CCDC144A: variants seen among roughly 807,000 people sequenced by gnomAD.
CCDC144A encodes coiled-coil domain-containing protein 144A.
Under a neutral mutation model 143.8 loss-of-function variants are expected in CCDC144A, and 41 were observed. The observed-to-expected ratio is 0.29, with a 90% CI of 0.22 to 0.37. The LOEUF (loss-of-function observed/expected upper bound fraction) is 0.37. Ranked by LOEUF, CCDC144A falls within the 10% of genes least tolerant of loss-of-function variation. CCDC144A has a pLI of 1.00. For synonymous variants in CCDC144A, 242 were observed against 517.9 expected (o/e 0.47, Z 7.23); for missense variants, 637 against 1,488.8 (o/e 0.43, Z 9.41).
chr17:16,673,547 C>T, the CCDC144A span, among the ~76,000 whole-genome samples: 5 of 151,952 alleles, frequency 3.3e-5, no homozygotes, highest in South Asian at 2.1e-4. Context: ...CCACCACGCC[C>T]GGCTAATTTT....
chr17:16,709,067 T>C lies in CCDC144A; in HGVS notation c.1010T>C (p.Leu337Ser), dbSNP rs984230323. The change falls in exon 5 of 17, where the codon TTG becomes TCG. Residue 337 changes from leucine (L) to serine (S), a missense_variant. By Grantham distance (145) the Leu-to-Ser change is moderately radical (BLOSUM62 -2). Coordinates refer to ENST00000399273, the MANE Select transcript of CCDC144A (RefSeq NM_001382000.1). ...GATGTAAAGGATATTCCCTTTAATT[T>C]GACAAATAACATACCTGGTTGTGAG... Reference protein sequence around the residue: ...GTDVKDIPFNLTNNIPGCEEE... With the variant: ...GTDVKDIPFNSTNNIPGCEEE... 4 of 1,611,556 alleles carry C rather than the reference T, an allele frequency of 2.5e-6. No homozygotes were observed. Among genetic ancestry groups the C allele is most frequent in the Non-Finnish European group, 3.4e-6 (4 of 1,179,650 alleles).
intron 2 of CCDC144A, among the ~76,000 whole-genome samples, chr17:16,696,474 C>T (rs1911414211): frequency 6.6e-6 from 1 of 150,386 alleles, no homozygotes; most frequent in Non-Finnish European, 1.5e-5. Flanking sequence ...ACTAAAAATA[C>T]ACATGAAAAA....
intron 16 of CCDC144A, among the ~76,000 whole-genome samples, chr17:16,772,242 A>G (rs1464792314): frequency 6.6e-6 from 1 of 152,150 alleles, no homozygotes. Context: ...ATAGCTCAAG[A>G]AGTCTGGCTC....
chr17:16,704,120 T>G (rs943529499), intron 2 of CCDC144A, among the ~76,000 whole-genome samples: 39 of 152,160 alleles, frequency 2.6e-4, no homozygotes, highest in Non-Finnish European at 5.6e-4. Flanking sequence ...AAAGTTTCAC[T>G]TATGTGTTTT....
rs533710489 is a variant in CCDC144A at position 16,695,713 on chromosome 17, G to A, written c.415+2664G>A. On this transcript the variant is annotated intron_variant, in intron 2 of 16. Transcript: ENST00000399273. Reference sequence around the variant, plus strand: ...CTACTACTGTGTTAGATGCCCTCTGGAACCGTATAGTGATCATTTATTATG... The same window carrying A: ...CTACTACTGTGTTAGATGCCCTCTGAAACCGTATAGTGATCATTTATTATG... Among the ~76,000 whole-genome samples, 14 of 150,956 alleles carry A rather than the reference G, an allele frequency of 9.3e-5. No homozygotes were observed. The East Asian group carries it at 2.5e-3, about 27-fold the overall frequency.
At chr17:16,745,615 A>G in intron 12 of CCDC144A, 2 of 1,557,710 alleles carry the variant, frequency 1.3e-6, no homozygotes, top group Non-Finnish European at 1.7e-6. Context: ...CATGGAGGCC[A>G]GGTGCGTGCA....
intron 12 of CCDC144A, among the ~76,000 whole-genome samples, chr17:16,751,339 G>T (rs563439412): frequency 3.3e-5 from 5 of 151,862 alleles, no homozygotes; most frequent in African/African-American, 7.3e-5. Flanking sequence ...TCCTGCATTG[G>T]GTTTCACAGA....
In CCDC144A at chr17:16,777,804, T is replaced by C. The variant is rs1372937385; in HGVS notation, c.*4171T>C. On this transcript the variant is annotated 3_prime_UTR_variant, in exon 17 of 17. Coordinates refer to ENST00000399273, the MANE Select transcript of CCDC144A (RefSeq NM_001382000.1). ...CAATCTAAGGTCACACCTCACAGAA[T>C]TGGAGAAACTAGAACAGTCCAAATC... 4.2e-5 allele frequency: 6 copies of C among 141,606 alleles called. No homozygotes were observed. Among genetic ancestry groups the C allele is most frequent in the Non-Finnish European group, 7.5e-5 (5 of 66,774 alleles). The allele number at this position is 141,606 out of a possible 1,614,324, so 8.8% of individuals were successfully genotyped here.
intron 15 of CCDC144A, 97 bp downstream of exon 15, chr17:16,764,272 T>A: frequency 6.5e-7 from 1 of 1,535,630 alleles, no homozygotes; most frequent in Non-Finnish European, 8.8e-7. Flanking sequence ...GTATGGTAAG[T>A]AAAAGTAATA....
chr17:16,696,266 T>C (rs564738804), intron 2 of CCDC144A, among the ~76,000 whole-genome samples: 189 of 151,288 alleles, frequency 1.2e-3, no homozygotes, highest in African/African-American at 2.7e-3. Flanking sequence ...CCACCCACCT[T>C]GGCCTCTCAA....
intron 15 of CCDC144A, among the ~76,000 whole-genome samples, chr17:16,770,668 T>A (rs55861650): frequency 2.0e-5 from 3 of 151,800 alleles, no homozygotes; most frequent in Admixed American, 2.0e-4. Flanking sequence ...TTTAAGTAAA[T>A]CTCTTTTTTT....
At chr17:16,667,276 G>A in the CCDC144A span, among the ~76,000 whole-genome samples, 3 of 141,884 alleles carry the variant, frequency 2.1e-5, no homozygotes, top group African/African-American at 5.0e-5. Context: ...AGGCGGCTGA[G>A]GGGCTGAGGG....
chr17:16,705,422 T>A, intron 3 of CCDC144A, 23 bp downstream of exon 3: 1 of 626,202 alleles, frequency 1.6e-6, no homozygotes, highest in Non-Finnish European at 2.8e-6. Context: ...CATAGAGAAT[T>A]CAGTCCTAGA....
At chr17:16,750,426 A>G (rs1356583010) in intron 12 of CCDC144A, among the ~76,000 whole-genome samples, 4 of 146,016 alleles carry the variant, frequency 2.7e-5, no homozygotes, top group East Asian at 2.0e-4. Context: ...TCTGGCTTAT[A>G]AGGTTTTTGC....
intron 15 of CCDC144A, among the ~76,000 whole-genome samples, chr17:16,771,418 G>A (rs1435028036): frequency 1.3e-5 from 2 of 152,222 alleles, no homozygotes; most frequent in African/African-American, 4.8e-5. Flanking sequence ...AATCATAATA[G>A]CATAATATTT....
chr17:16,746,712 C>T, intron 12 of CCDC144A: 2 of 1,611,834 alleles, frequency 1.2e-6, no homozygotes, highest in Admixed American at 1.7e-5. Context: ...CGCAGCTGCT[C>T]CTCCAGCTGC....
the CCDC144A span, among the ~76,000 whole-genome samples, chr17:16,677,394 A>G: frequency 6.6e-6 from 1 of 152,168 alleles, no homozygotes; most frequent in Non-Finnish European, 1.5e-5. Flanking sequence ...AGAAGGTTAT[A>G]GATTTCCTGT....
chr17:16,710,963 T>C (rs1231219525), intron 5 of CCDC144A, among the ~76,000 whole-genome samples: 2 of 145,880 alleles, frequency 1.4e-5, no homozygotes, highest in African/African-American at 2.7e-5. Context: ...AGTAGATTCT[T>C]ATACTGTATA....
At chr17:16,771,121 A>G (rs966827817) in intron 15 of CCDC144A, among the ~76,000 whole-genome samples, 2 of 152,262 alleles carry the variant, frequency 1.3e-5, no homozygotes, top group Admixed American at 6.5e-5. Flanking sequence ...AAAAAATTAA[A>G]TAAGAGCACT....
Sources: gnomAD v4.1 joint callset for allele counts (sites outside exome capture counted in the v4.1 genomes callset) on GRCh38, gnomAD v4.1.1 for gene constraint, MANE v1.5 for transcripts, NCBI Gene and HGNC (gene_info 2026-07-23, HGNC 2026-07-21) for gene names.